PCDHGA12: variants seen among roughly 807,000 people sequenced by gnomAD.
PCDHGA12 encodes the protein protocadherin gamma subfamily A, 12, also known as protocadherin gamma-A12.
Under a neutral mutation model 61.1 loss-of-function variants are expected in PCDHGA12, and 43 were observed. The observed-to-expected ratio is 0.70, with a 90% CI of 0.55 to 0.91. The LOEUF (loss-of-function observed/expected upper bound fraction) is 0.91. PCDHGA12 is among the 40% of genes least tolerant of loss of function. The probability of loss-of-function intolerance (pLI) is 0.00; values close to 1 mark genes in which losing one functional copy is unlikely to be tolerated. For missense variants in PCDHGA12, 1,236 were observed against 1,227.7 expected (o/e 1.01, Z -0.10); for synonymous variants, 520 against 542.9 (o/e 0.96, Z 0.59).
At chr5:141,470,038 A>C (rs1256439782) in intron 1 of PCDHGA12, among the ~76,000 whole-genome samples, 1 of 152,204 alleles carries the variant, frequency 6.6e-6, no homozygotes, top group Non-Finnish European at 1.5e-5. Flanking sequence ...CTGAGGCGCG[A>C]GAACTGTTTG....
In PCDHGA12 at chr5:141,511,074, C is replaced by G; in HGVS notation, c.2700C>G (p.Ser900Arg). 1.2e-6 allele frequency: 2 copies of G among 1,614,238 alleles called. No homozygotes were observed. The highest frequency in any genetic ancestry group is 1.7e-6 in the Non-Finnish European group (2 of 1,180,040). ...GCCAGAATGTCTACATCCCAGGCAGCAATGCCACACTGACCAACGCAGCTG... is the reference window on the plus strand; with the variant it reads ...GCCAGAATGTCTACATCCCAGGCAGGAATGCCACACTGACCAACGCAGCTG... The part of the protein sequence containing the change: ...DYRQNVYIPG[S>R]NATLTNAAGK... Residue 900 changes from serine (S) to arginine (R), a missense_variant, in exon 4 of 4, where the codon AGC becomes AGG. Coordinates refer to ENST00000252085, the MANE Select transcript of PCDHGA12 (RefSeq NM_003735.3).
In PCDHGA12 at chr5:141,488,647, T is replaced by TG. The variant is rs535492979; in HGVS notation, c.2425-6155dup. ...CTCACCTTAGCAGCATTCAGCAGGA[T>TG]GGGGGAGGGTGGGGGAATACATGGG... On this transcript the variant is annotated intron_variant, in intron 1 of 3. Transcript: ENST00000252085. Among the ~76,000 whole-genome samples, 173 of 152,088 alleles carry TG rather than the reference T, an allele frequency of 1.1e-3. 1 individual carries two copies. Among genetic ancestry groups the TG allele is most frequent in the African/African-American group, 3.9e-3 (160 of 41,492 alleles).
At position 141,467,151 on chromosome 5, in the gene PCDHGA12, C is replaced by T. The variant is rs527879624; in HGVS notation, c.2425-27656C>T. ...CACTGCAACCTCTGCCTCCCAGGTT[C>T]AAGTGATTCTCATCTCTCAGCCTCC... is the stretch of plus-strand genomic sequence containing the variant. On this transcript the variant is annotated intron_variant, in intron 1 of 3. Transcript: ENST00000252085. Among the ~76,000 whole-genome samples the T allele has an allele frequency of 4.0e-5, 6 of 151,660 alleles. No homozygotes were observed. In the East Asian group the frequency reaches 7.8e-4, roughly 20 times the overall value.
At position 141,475,845 on chromosome 5, in the gene PCDHGA12, G is replaced by A. The variant is rs2099375736; in HGVS notation, c.2425-18962G>A. On this transcript the variant is annotated intron_variant, in intron 1 of 3. Coordinates refer to ENST00000252085, the MANE Select transcript of PCDHGA12 (RefSeq NM_003735.3). ...CGCTAGCGCGTGTCCTGCTCAGAGA[G>A]CCCGGCGCTAGCTCATTCTTCGTGC... The A allele has an allele frequency of 2.0e-5, 9 of 447,884 alleles. 1 individual carries two copies. In the South Asian group the frequency reaches 2.8e-4, roughly 14 times the overall value. 27.7% of individuals were successfully genotyped at this position (447,884 alleles called of 1,614,324 possible).
intron 1 of PCDHGA12, among the ~76,000 whole-genome samples, chr5:141,434,530 A>G (rs1241680580): frequency 6.6e-6 from 1 of 152,226 alleles, no homozygotes; most frequent in African/African-American, 2.4e-5. Flanking sequence ...CTTAAACCAC[A>G]AACAATAGCA....
chr5:141,441,547 A>G (rs1393958373), intron 1 of PCDHGA12: 1 of 182,772 alleles, frequency 5.5e-6, no homozygotes, highest in Admixed American at 6.4e-5. Context: ...CAAAGCCTCC[A>G]TAGTGTGCAA....
In PCDHGA12 at chr5:141,485,990, C is replaced by T. The variant is rs1285988124; in HGVS notation, c.2425-8817C>T. 2.5e-6 allele frequency: 4 copies of T among 1,614,168 alleles called. No homozygotes were observed. The stretch of plus-strand genomic sequence containing the variant: ...CAATGCCTCAGACCCGGACCTGGGT[C>T]CCAGTGGTAACGTCACCTTTTATTT... On this transcript the variant is annotated intron_variant, in intron 1 of 3. Coordinates refer to ENST00000252085, the MANE Select transcript of PCDHGA12 (RefSeq NM_003735.3). This position sits in a 1 kb window ranked among gnomAD's most constrained non-coding sequence, Gnocchi z 5.7.
At chr5:141,481,531 G>A (rs1342825952) in intron 1 of PCDHGA12, among the ~76,000 whole-genome samples, 2 of 152,206 alleles carry the variant, frequency 1.3e-5, no homozygotes, top group African/African-American at 4.8e-5. Context: ...AAAATCTAGA[G>A]ATGGGGCTGG....
At chr5:141,451,880 A>G (rs1322052501) in intron 1 of PCDHGA12, among the ~76,000 whole-genome samples, 1 of 152,106 alleles carries the variant, frequency 6.6e-6, no homozygotes, top group East Asian at 1.9e-4. Flanking sequence ...AACCCTGTCA[A>G]GAAAGAAAGG....
chr5:141,435,467 G>A (rs1019246812), intron 1 of PCDHGA12, among the ~76,000 whole-genome samples: 3 of 152,146 alleles, frequency 2.0e-5, no homozygotes, highest in Non-Finnish European at 2.9e-5. Context: ...GTGTTTCCAA[G>A]TTAGACATTT....
rs2099661624 is a variant in PCDHGA12, at chr5:141,487,712, G to A, written c.2425-7095G>A. The stretch of plus-strand genomic sequence containing the variant: ...AGAGAGTACTGGCCTCTCAGTAAGT[G>A]CCCATAGTGATGTCACCATTTTTGT... On this transcript the variant is annotated intron_variant, in intron 1 of 3. Coordinates refer to ENST00000252085, the MANE Select transcript of PCDHGA12 (RefSeq NM_003735.3). The surrounding 1 kb of genome is among the most constrained non-coding windows in gnomAD (Gnocchi z 5.0). The A allele has an allele frequency of 5.0e-6, 8 of 1,585,892 alleles. No individual in the cohort carries two copies. The highest frequency in any genetic ancestry group is 1.1e-5 in the South Asian group (1 of 87,950).
At position 141,489,720 on chromosome 5, in the gene PCDHGA12, G is replaced by T. The variant is rs560729125; in HGVS notation, c.2425-5087G>T. 1.9e-6 allele frequency: 3 copies of T among 1,614,200 alleles called. No individual in the cohort carries two copies. Among genetic ancestry groups the T allele is most frequent in the Middle Eastern group, 1.6e-4 (1 of 6,062 alleles). ...TCCCACTGGACAGTGCCCAGGATCC[G>T]GATGTGGGCACCAATACTGTGAGCT... On this transcript the variant is annotated intron_variant, in intron 1 of 3. Transcript: ENST00000252085. This position sits in a 1 kb window ranked among gnomAD's most constrained non-coding sequence, Gnocchi z 4.5.
At chr5:141,443,615 C>T (rs1430581477) in intron 1 of PCDHGA12, among the ~76,000 whole-genome samples, 3 of 152,198 alleles carry the variant, frequency 2.0e-5, no homozygotes, top group Non-Finnish European at 4.4e-5. Flanking sequence ...TTCTTATAAT[C>T]AGGTGATTGT....
chr5:141,478,903 C>T lies in PCDHGA12; in HGVS notation c.2425-15904C>T. On this transcript the variant is annotated intron_variant, in intron 1 of 3. Transcript: ENST00000252085. Reference sequence around the variant, plus strand: ...TGGTATCATTTACATTAGGAATAAGCTGCTGGATACCTCTAACCAGTGGCA... The same window carrying T: ...TGGTATCATTTACATTAGGAATAAGTTGCTGGATACCTCTAACCAGTGGCA... 4.2e-6 allele frequency: 4 copies of T among 957,824 alleles called. No homozygotes were observed. The South Asian group carries it at 7.3e-5, about 18-fold the overall frequency. 59.3% of individuals were successfully genotyped at this position (957,824 alleles called of 1,614,324 possible). A position where few individuals can be genotyped will look rare whatever the true frequency, so the allele number is the denominator to read the frequency against.
rs1471215172 is a variant in PCDHGA12 at position 141,511,840 on chromosome 5, TCTG to T, written c.*668_*670del. 1 of 156,722 alleles carries T rather than the reference TCTG, an allele frequency of 6.4e-6. No homozygotes were observed. Among genetic ancestry groups the T allele is most frequent in the African/African-American group, 2.4e-5 (1 of 41,448 alleles). The allele number at this position is 156,722 out of a possible 1,614,324, so 9.7% of individuals were successfully genotyped here. A position where few individuals can be genotyped will look rare whatever the true frequency, so the allele number is the denominator to read the frequency against. On this transcript the variant is annotated 3_prime_UTR_variant, in exon 4 of 4. Coordinates refer to ENST00000252085, the MANE Select transcript of PCDHGA12 (RefSeq NM_003735.3). ...TTCCCAACGCCCTGGGGACCAGTCTTCTGTTTTGTTTTTCATTGTTTGACGTTT... is the reference window on the plus strand; with the variant it reads ...TTCCCAACGCCCTGGGGACCAGTCTTTTTTGTTTTTCATTGTTTGACGTTT...
In PCDHGA12 at chr5:141,477,446, C is replaced by A; in HGVS notation, c.2425-17361C>A. 1 of 1,614,196 alleles carries A rather than the reference C, an allele frequency of 6.2e-7. No homozygotes were observed. The highest frequency in any genetic ancestry group is 8.5e-7 in the Non-Finnish European group (1 of 1,180,022). The stretch of plus-strand genomic sequence containing the variant: ...TTCCCTCTCAGCCCTTACAATAGTG[C>A]GTGTTCAAGTGTCCGACATCAATGA... On this transcript the variant is annotated intron_variant, in intron 1 of 3. Transcript: ENST00000252085. The surrounding 1 kb of genome is among the most constrained non-coding windows in gnomAD (Gnocchi z 4.9).
At chr5:141,506,076 T>C (rs2154593839) in intron 3 of PCDHGA12, among the ~76,000 whole-genome samples, 1 of 152,244 alleles carries the variant, frequency 6.6e-6, no homozygotes, top group South Asian at 2.1e-4. Flanking sequence ...TCCTTTGTAA[T>C]AGAGATTCGG....
chr5:141,477,573 C>T lies in PCDHGA12; in HGVS notation c.2425-17234C>T, dbSNP rs1593790046. The T allele has an allele frequency of 6.2e-7, 1 of 1,614,056 alleles. No individual in the cohort carries two copies. Among genetic ancestry groups the T allele is most frequent in the South Asian group, 1.1e-5 (1 of 91,086 alleles). ...AACCTAAGTGTCTGGGACCCCGACGCCCCGCAGAATGCTCGGCTTTCTTTC... is the reference window on the plus strand; with the variant it reads ...AACCTAAGTGTCTGGGACCCCGACGTCCCGCAGAATGCTCGGCTTTCTTTC... On this transcript the variant is annotated intron_variant, in intron 1 of 3. Coordinates refer to ENST00000252085, the MANE Select transcript of PCDHGA12 (RefSeq NM_003735.3). This position sits in a 1 kb window ranked among gnomAD's most constrained non-coding sequence, Gnocchi z 4.9.
rs994726301 is a variant in PCDHGA12, at chr5:141,476,632, T to C, written c.2425-18175T>C. ...TGGGAAGCAACTCTTTACAAACCTA[T>C]GAGCTGAGCCGAAATGAATACTTTG... On this transcript the variant is annotated intron_variant, in intron 1 of 3. Transcript: ENST00000252085. The surrounding 1 kb of genome is among the most constrained non-coding windows in gnomAD (Gnocchi z 7.6). The C allele has an allele frequency of 8.7e-6, 14 of 1,614,098 alleles. No homozygotes were observed. Among genetic ancestry groups the C allele is most frequent in the Admixed American group, 1.7e-5 (1 of 60,016 alleles).
Sources: allele counts gnomAD v4.1 joint callset (sites outside exome capture counted in the v4.1 genomes callset), GRCh38; gene constraint gnomAD v4.1.1; non-coding constraint Gnocchi (gnomAD v3.1); transcripts MANE v1.5; gene names NCBI Gene and HGNC (gene_info 2026-07-23, HGNC 2026-07-21).